The following TRIM33 variants were observed in gnomAD, a reference collection of about 807,000 sequenced individuals.
The protein encoded by TRIM33 is E3 ubiquitin-protein ligase TRIM33.
Under a neutral mutation model 125.4 loss-of-function variants are expected in TRIM33, and 20 were observed. That is an observed-to-expected ratio of 0.16 (90% CI 0.11 to 0.23). The LOEUF (loss-of-function observed/expected upper bound fraction) is 0.23, where lower values mean the gene tolerates loss of function less well. TRIM33 is among the 10% of genes least tolerant of loss of function. TRIM33 has a pLI of 1.00. For missense variants in TRIM33, 920 were observed against 1,411.4 expected (o/e 0.65, Z 5.58); for synonymous variants, 564 against 513.9 (o/e 1.10, Z -1.32).
intron 1 of TRIM33, among the ~76,000 whole-genome samples, chr1:114,500,494 A>G (rs1306965938): frequency 6.6e-6 from 1 of 152,160 alleles, no homozygotes; most frequent in Non-Finnish European, 1.5e-5. Flanking sequence ...ATGTACCACC[A>G]CACACAGCTT....
chr1:114,461,211 T>TAAAAA (rs569418875), intron 4 of TRIM33, among the ~76,000 whole-genome samples: 13 of 96,152 alleles, frequency 1.4e-4, no homozygotes, highest in African/African-American at 4.8e-4. Context: ...AACCTGTCTT[T>TAAAAA]AAAAATATAT....
Position 114,405,667 on chromosome 1 carries a change from A to G in TRIM33, c.2511T>C (p.His837=), listed in dbSNP as rs1652187052. The G allele has an allele frequency of 3.7e-6, 6 of 1,614,042 alleles. No homozygotes were observed. The Admixed American group carries it at 5.0e-5, about 13-fold the overall frequency. The part of the protein sequence containing the change: ...ELDALASLEN[H]VKIEPADMNE... ...TCATATCTGCAGGTTCAATTTTCAC[A>G]TGGTTTTCCAGGCTTGCCAATGCAT... The change falls in exon 15 of 20, where the codon CAT becomes CAC. Residue 837 remains histidine, a synonymous_variant. Coordinates refer to ENST00000358465, the MANE Select transcript of TRIM33 (RefSeq NM_015906.4).
chr1:114,401,569 ACACAAG>A, intron 16 of TRIM33, 106 bp from the exon 17 acceptor site: 1 of 825,636 alleles, frequency 1.2e-6, no homozygotes, highest in Non-Finnish European at 1.9e-6. Flanking sequence ...AACAAACTGA[ACACAAG>A]CCCCCTGTTT....
intron 4 of TRIM33, among the ~76,000 whole-genome samples, chr1:114,461,540 G>A (rs1195068804): frequency 2.0e-5 from 3 of 151,394 alleles, no homozygotes; most frequent in Admixed American, 6.6e-5. Context: ...TGTTGTGTGA[G>A]TATAGGAGGA....
At chr1:114,427,632 T>A in intron 7 of TRIM33, 116 bp downstream of exon 7, 2 of 1,037,706 alleles carry the variant, frequency 1.9e-6, no homozygotes, top group Non-Finnish European at 2.7e-6. Context: ...TGTATCTTGA[T>A]GTGGTGGTGG....
intron 18 of TRIM33, among the ~76,000 whole-genome samples, chr1:114,398,755 T>C (rs950967907): frequency 1.3e-5 from 2 of 151,728 alleles, no homozygotes; most frequent in Non-Finnish European, 2.9e-5. Context: ...TTGTGGATTC[T>C]CATTAAATTC....
rs533718265 is a variant in TRIM33, at chr1:114,465,997, C to A, written c.527-1609G>T. On this transcript the variant is annotated intron_variant, in intron 1 of 19. Coordinates refer to ENST00000358465, the MANE Select transcript of TRIM33 (RefSeq NM_015906.4). Reference sequence around the variant, plus strand: ...GGTGGGGGTTGCAGTGAGCTGAGATCGCGCCACTGCACTCCAGCTTGGGCG... The same window carrying A: ...GGTGGGGGTTGCAGTGAGCTGAGATAGCGCCACTGCACTCCAGCTTGGGCG... 2.0e-5 allele frequency among the ~76,000 whole-genome samples: 3 copies of A among 151,434 alleles called. No individual in the cohort carries two copies. In the East Asian group the frequency reaches 5.8e-4, roughly 29 times the overall value.
chr1:114,407,465 A>G (rs1350695830), intron 13 of TRIM33, among the ~76,000 whole-genome samples: 1 of 152,144 alleles, frequency 6.6e-6, no homozygotes, highest in African/African-American at 2.4e-5. Context: ...ATTATCCTCA[A>G]ACACTATTTT....
At chr1:114,479,796 C>T (rs926857833) in intron 1 of TRIM33, among the ~76,000 whole-genome samples, 3 of 152,192 alleles carry the variant, frequency 2.0e-5, no homozygotes, top group African/African-American at 7.2e-5. Context: ...CATAATTAGC[C>T]GCCCCATCCA....
chr1:114,444,656 T>C (rs1278533919), intron 4 of TRIM33, among the ~76,000 whole-genome samples: 2 of 152,166 alleles, frequency 1.3e-5, no homozygotes, highest in Non-Finnish European at 2.9e-5. Flanking sequence ...TAACAAAGCA[T>C]AAAACCAAGC....
chr1:114,401,097 C>T (rs973452642), intron 17 of TRIM33, among the ~76,000 whole-genome samples: 3 of 148,714 alleles, frequency 2.0e-5, no homozygotes, highest in Non-Finnish European at 4.4e-5. Flanking sequence ...AGTGCAGTGG[C>T]GCGATCTCGG....
intron 1 of TRIM33, among the ~76,000 whole-genome samples, chr1:114,505,871 A>T (rs1652973798): frequency 6.6e-6 from 1 of 152,122 alleles, no homozygotes; most frequent in Admixed American, 6.5e-5. Context: ...CCCAGTCCAC[A>T]GTAAGTTGAA....
intron 4 of TRIM33, among the ~76,000 whole-genome samples, chr1:114,440,363 T>A (rs532835005): frequency 2.0e-3 from 296 of 149,538 alleles, no homozygotes; most frequent in Middle Eastern, 0.014. Context: ...AAAAAAAAAA[T>A]TGCATAATTT....
intron 10 of TRIM33, among the ~76,000 whole-genome samples, chr1:114,422,709 G>T (rs1289536288): frequency 1.3e-5 from 2 of 151,780 alleles, no homozygotes; most frequent in African/African-American, 4.8e-5. Flanking sequence ...GATGTTGGGT[G>T]TCTGACTCCA....
chr1:114,481,625 A>G (rs1651351275), intron 1 of TRIM33, among the ~76,000 whole-genome samples: 1 of 149,864 alleles, frequency 6.7e-6, no homozygotes, highest in South Asian at 2.1e-4. Flanking sequence ...AAAAAGAAAA[A>G]AAACTATATA....
Position 114,447,158 on chromosome 1 carries a change from T to G in TRIM33, c.924-13425A>C, listed in dbSNP as rs537783795. The stretch of plus-strand genomic sequence containing the variant: ...CCAACTTAGGATTCACTCTAGCAGT[T>G]GTATTAAGAATAAATGGAAGAGAGG... On this transcript the variant is annotated intron_variant, in intron 4 of 19. Transcript: ENST00000358465. Among the ~76,000 whole-genome samples the G allele has an allele frequency of 1.8e-4, 27 of 152,256 alleles. No individual in the cohort carries two copies. The East Asian group carries it at 4.8e-3, about 27-fold the overall frequency.
chr1:114,458,352 T>C (rs954747661), intron 4 of TRIM33, among the ~76,000 whole-genome samples: 5 of 152,162 alleles, frequency 3.3e-5, no homozygotes, highest in African/African-American at 9.7e-5. Context: ...AAGATCACTA[T>C]TGTGAAATCT....
intron 4 of TRIM33, among the ~76,000 whole-genome samples, chr1:114,460,785 T>A (rs1417102093): frequency 6.6e-6 from 1 of 152,054 alleles, no homozygotes; most frequent in East Asian, 1.9e-4. Flanking sequence ...AGTCCCTCTC[T>A]CTCTATAAAA....
intron 4 of TRIM33, among the ~76,000 whole-genome samples, chr1:114,445,298 CATG>C (rs1209278977): frequency 4.6e-5 from 7 of 152,164 alleles, no homozygotes; most frequent in African/African-American, 1.7e-4. Context: ...AGCACAGTGG[CATG>C]ATCACAGCTC....
Sources: allele counts gnomAD v4.1 joint callset (sites outside exome capture counted in the v4.1 genomes callset), GRCh38; gene constraint gnomAD v4.1.1; transcripts MANE v1.5; gene names NCBI Gene and HGNC (gene_info 2026-07-23, HGNC 2026-07-21).